The following LRRC4C variants were observed in gnomAD, a reference collection of about 807,000 sequenced individuals.
LRRC4C encodes the protein leucine rich repeat containing 4C.
Under a neutral mutation model 33.6 loss-of-function variants are expected in LRRC4C, and 5 were observed. The observed-to-expected ratio is 0.15, with a 90% confidence interval of 0.08 to 0.31. LRRC4C has a LOEUF of 0.31. Among genes scored for constraint, LRRC4C ranks in the 10% least tolerant of loss-of-function variants. LRRC4C has a pLI of 1.00. For synonymous variants in LRRC4C, 329 were observed against 302.0 expected (o/e 1.09, Z -0.93); for missense variants, 560 against 796.7 (o/e 0.70, Z 3.58).
chr11:40,255,048 A>T (rs1331413489), intron 4 of LRRC4C, among the ~76,000 whole-genome samples: 1 of 152,012 alleles, frequency 6.6e-6, no homozygotes, highest in Non-Finnish European at 1.5e-5. Context: ...CTGACCTCCC[A>T]CCATGGCCTC....
chr11:40,589,835 G>A (rs1384457182), intron 3 of LRRC4C, among the ~76,000 whole-genome samples: 3 of 149,534 alleles, frequency 2.0e-5, no homozygotes, highest in East Asian at 3.9e-4. Context: ...TAGGGTTTCT[G>A]CCGAGAGATC....
At chr11:41,247,969 C>T (rs1037672904) in intron 1 of LRRC4C, among the ~76,000 whole-genome samples, 2 of 152,120 alleles carry the variant, frequency 1.3e-5, no homozygotes, top group Admixed American at 6.5e-5. Context: ...CAAACGATGT[C>T]TGAGACCCTG....
chr11:41,261,204 A>G (rs867019608), intron 1 of LRRC4C, among the ~76,000 whole-genome samples: 1 of 152,054 alleles, frequency 6.6e-6, no homozygotes. Flanking sequence ...AGAACACTGC[A>G]TTCACCTTTT....
At chr11:41,169,124 C>T (rs569286853) in intron 1 of LRRC4C, among the ~76,000 whole-genome samples, 4 of 152,156 alleles carry the variant, frequency 2.6e-5, no homozygotes, top group Non-Finnish European at 5.9e-5. Context: ...AAACCTTCCT[C>T]AAAAGGGTTT....
intron 1 of LRRC4C, among the ~76,000 whole-genome samples, chr11:41,158,549 T>G (rs530186973): frequency 4.6e-5 from 7 of 152,190 alleles, no homozygotes; most frequent in African/African-American, 1.7e-4. Flanking sequence ...CCTTCTTCTT[T>G]TAGGAAGAAA....
intron 3 of LRRC4C, among the ~76,000 whole-genome samples, chr11:40,354,803 C>T (rs1378041714): frequency 6.6e-6 from 1 of 152,070 alleles, no homozygotes; most frequent in African/African-American, 2.4e-5. Context: ...CCTGAGGACT[C>T]CAGGAGCCCA....
chr11:40,738,300 G>C (rs760904810), intron 2 of LRRC4C, among the ~76,000 whole-genome samples: 5 of 151,984 alleles, frequency 3.3e-5, no homozygotes, highest in South Asian at 2.1e-4. Flanking sequence ...ACCACGATAC[G>C]GCCCTCCCAG....
At chr11:40,987,128 C>T (rs998336507) in intron 1 of LRRC4C, among the ~76,000 whole-genome samples, 2 of 152,112 alleles carry the variant, frequency 1.3e-5, no homozygotes, top group South Asian at 2.1e-4. Context: ...AGAAGACATT[C>T]GGTATTCCTC....
chr11:40,142,950 T>A (rs1160794290), intron 5 of LRRC4C, among the ~76,000 whole-genome samples: 4 of 152,116 alleles, frequency 2.6e-5, no homozygotes, highest in Non-Finnish European at 5.9e-5. Flanking sequence ...GCAGTTGCAT[T>A]CATTCATTCA....
chr11:40,304,987 A>C (rs951159204), intron 4 of LRRC4C, among the ~76,000 whole-genome samples: 4 of 152,096 alleles, frequency 2.6e-5, no homozygotes, highest in Non-Finnish European at 5.9e-5. Context: ...GGATGGTCTC[A>C]ATCTCTTGAC....
chr11:40,733,458 G>A (rs975940656), intron 2 of LRRC4C, among the ~76,000 whole-genome samples: 1 of 152,044 alleles, frequency 6.6e-6, no homozygotes, highest in African/African-American at 2.4e-5. Context: ...TGTTAAATCT[G>A]TCAATTTTGT....
At chr11:41,057,437 C>A (rs1030564829) in intron 1 of LRRC4C, among the ~76,000 whole-genome samples, 1 of 152,220 alleles carries the variant, frequency 6.6e-6, no homozygotes, top group Non-Finnish European at 1.5e-5. Context: ...CAGCAGGAAG[C>A]AGACAGGTTC....
At chr11:41,229,050 T>C (rs1448448475) in intron 1 of LRRC4C, among the ~76,000 whole-genome samples, 2 of 152,164 alleles carry the variant, frequency 1.3e-5, no homozygotes, top group Non-Finnish European at 2.9e-5. Flanking sequence ...TTCTGACTTT[T>C]CATTATGAAT....
intron 2 of LRRC4C, among the ~76,000 whole-genome samples, chr11:40,657,108 A>T (rs1020220184): frequency 6.6e-6 from 1 of 152,202 alleles, no homozygotes; most frequent in African/African-American, 2.4e-5. Flanking sequence ...ATTTTAAAAG[A>T]TCTGCCGCGA....
chr11:40,574,731 C>T (rs1294861558), intron 3 of LRRC4C, among the ~76,000 whole-genome samples: 1 of 152,136 alleles, frequency 6.6e-6, no homozygotes, highest in Non-Finnish European at 1.5e-5. Context: ...CCCTTTCTTT[C>T]CACCCCTGGC....
chr11:40,695,661 C>T (rs978090716), intron 2 of LRRC4C, among the ~76,000 whole-genome samples: 3 of 152,076 alleles, frequency 2.0e-5, no homozygotes, highest in African/African-American at 7.2e-5. Flanking sequence ...GAATCAATTT[C>T]CTTGCCTCTT....
At chr11:40,998,503 G>T (rs907737292) in intron 1 of LRRC4C, among the ~76,000 whole-genome samples, 2 of 151,982 alleles carry the variant, frequency 1.3e-5, no homozygotes, top group African/African-American at 4.8e-5. Flanking sequence ...GTTTTATTTT[G>T]TTATTTTCTC....
At chr11:40,686,954 C>T (rs1206526460) in intron 2 of LRRC4C, among the ~76,000 whole-genome samples, 1 of 152,004 alleles carries the variant, frequency 6.6e-6, no homozygotes, top group Non-Finnish European at 1.5e-5. Flanking sequence ...TAATACAAAA[C>T]CTCAGGCCAC....
At chr11:40,874,731 T>C (rs778348887) in intron 2 of LRRC4C, among the ~76,000 whole-genome samples, 2 of 152,336 alleles carry the variant, frequency 1.3e-5, no homozygotes, top group East Asian at 1.9e-4. Context: ...ATTTCATCTA[T>C]AGAGATTCGG....
Sources: allele counts gnomAD v4.1 joint callset (sites outside exome capture counted in the v4.1 genomes callset), GRCh38; gene constraint gnomAD v4.1.1; transcripts MANE v1.5; gene names NCBI Gene and HGNC (gene_info 2026-07-23, HGNC 2026-07-21).